Variants in PRKD3 observed in about 807,000 individuals in gnomAD.
PRKD3 encodes the protein serine/threonine-protein kinase D3.
Under a neutral mutation model 99.2 loss-of-function variants are expected in PRKD3, and 47 were observed. The ratio of observed to expected loss-of-function variants is 0.47; its 90% CI spans 0.38 to 0.60. The LOEUF (loss-of-function observed/expected upper bound fraction) is 0.60, where lower values mean the gene tolerates loss of function less well. Among genes scored for constraint, PRKD3 ranks in the 20% least tolerant of loss-of-function variants. PRKD3 has a pLI of 0.00. For synonymous variants in PRKD3, 392 were observed against 355.4 expected, an observed-to-expected ratio of 1.10 and a Z score of -1.16; for missense variants, 1,019 against 1,088.4, an observed-to-expected ratio of 0.94 and a Z score of 0.90.
intron 7 of PRKD3, 74 bp downstream of exon 7, chr2:37,282,468 T>G: frequency 1.0e-6 from 1 of 970,052 alleles, no homozygotes; most frequent in Non-Finnish European, 1.6e-6. Context: ...AAACAGAACC[T>G]TATCCAAAGA....
At position 37,317,262 on chromosome 2, in the gene PRKD3, T is replaced by C. The variant is rs541623894; in HGVS notation, c.-655-83A>G. On this transcript the variant is annotated intron_variant, in intron 1 of 18. Coordinates refer to ENST00000234179, the MANE Select transcript of PRKD3 (RefSeq NM_005813.6). ...AAAATAAGAACATAACTTTTTTAAATGACAATTTTTGGTCATATGCTTATA... is the reference window on the plus strand; with the variant it reads ...AAAATAAGAACATAACTTTTTTAAACGACAATTTTTGGTCATATGCTTATA... The C allele has an allele frequency of 5.5e-5, 36 of 650,386 alleles. No individual in the cohort carries two copies. In the African/African-American group the frequency reaches 6.3e-4, roughly 11 times the overall value. The allele number at this position is 650,386 out of a possible 1,614,324, so 40.3% of individuals were successfully genotyped here. A position where few individuals can be genotyped will look rare whatever the true frequency, so the allele number is the denominator to read the frequency against.
chr2:37,280,325 G>C (rs568494036), intron 7 of PRKD3, among the ~76,000 whole-genome samples: 1 of 151,924 alleles, frequency 6.6e-6, no homozygotes, highest in South Asian at 2.1e-4. Flanking sequence ...GATTACAGGC[G>C]TGAGCCACCA....
At chr2:37,286,951 C>T (rs1453326445) in intron 5 of PRKD3, among the ~76,000 whole-genome samples, 2 of 152,038 alleles carry the variant, frequency 1.3e-5, no homozygotes, top group Non-Finnish European at 2.9e-5. Context: ...GGTCTTCTGG[C>T]CAGGCGTGGT....
At chr2:37,300,143 G>A (rs952332931) in intron 2 of PRKD3, among the ~76,000 whole-genome samples, 4 of 152,206 alleles carry the variant, frequency 2.6e-5, no homozygotes, top group Non-Finnish European at 5.9e-5. Flanking sequence ...TGGATAAATG[G>A]ATACAGAAAA....
intron 1 of PRKD3, among the ~76,000 whole-genome samples, chr2:37,320,943 C>G (rs574480687): frequency 6.6e-6 from 1 of 152,226 alleles, no homozygotes; most frequent in South Asian, 2.1e-4. Context: ...GATTTCTGCC[C>G]ACTCTTTCCA....
intron 1 of PRKD3, among the ~76,000 whole-genome samples, chr2:37,320,341 T>G (rs968873200): frequency 4.0e-5 from 6 of 151,824 alleles, no homozygotes; most frequent in Non-Finnish European, 8.8e-5. Context: ...ACAACGTATC[T>G]GACTTAAGTA....
chr2:37,254,355 C>CCT, intron 17 of PRKD3, 66 bp from the exon 18 acceptor site: 1 of 1,255,468 alleles, frequency 8.0e-7, no homozygotes, highest in Non-Finnish European at 1.2e-6. Flanking sequence ...CTTGTGACTG[C>CCT]CTAGAAGGCA....
intron 2 of PRKD3, among the ~76,000 whole-genome samples, chr2:37,297,360 T>A (rs1670718617): frequency 6.6e-6 from 1 of 152,202 alleles, no homozygotes; most frequent in South Asian, 2.1e-4. Context: ...GTTTAAAATT[T>A]ATAGAAAATG....
chr2:37,260,141 G>GT, intron 15 of PRKD3, 82 bp downstream of exon 15: 1 of 1,293,238 alleles, frequency 7.7e-7, no homozygotes, highest in Non-Finnish European at 1.1e-6. Flanking sequence ...TCCAGCCCAG[G>GT]TGACAGAGTA....
Position 37,282,341 on chromosome 2 carries a change from G to A in PRKD3, c.988+201C>T, listed in dbSNP as rs995367650. On this transcript the variant is annotated intron_variant, in intron 7 of 18. Transcript: ENST00000234179. The stretch of plus-strand genomic sequence containing the variant: ...TATATTAGACTACAAAGTAACAGGT[G>A]GCCAGAGGAAAGACGGGAAGGCGTG... The A allele has an allele frequency of 9.3e-6, 5 of 535,436 alleles. No individual in the cohort carries two copies. In the Admixed American group the frequency reaches 9.4e-5, roughly 10 times the overall value. 33.2% of individuals were successfully genotyped at this position (535,436 alleles called of 1,614,324 possible). A position where few individuals can be genotyped will look rare whatever the true frequency, so the allele number is the denominator to read the frequency against.
chr2:37,263,823 G>C (rs1467201996), intron 14 of PRKD3, among the ~76,000 whole-genome samples: 4 of 152,118 alleles, frequency 2.6e-5, no homozygotes, highest in East Asian at 1.9e-4. Flanking sequence ...TGATTTTATA[G>C]TTTTGAATTC....
intron 4 of PRKD3, 49 bp downstream of exon 4, chr2:37,290,819 A>G (rs1321779491): frequency 6.6e-7 from 1 of 1,513,220 alleles, no homozygotes; most frequent in East Asian, 2.3e-5. Flanking sequence ...TAAAAAATGC[A>G]AATGTGGAAT....
chr2:37,287,250 AAAAAAAAAAAAAAAAAAGAAAAAG>A (rs1670150139), intron 5 of PRKD3, among the ~76,000 whole-genome samples: 2 of 134,232 alleles, frequency 1.5e-5, no homozygotes, highest in African/African-American at 5.7e-5. Flanking sequence ...AAAAAAAAAA[AAAAAAAAAAAAAAAAAAGAAAAAG>A]AAAAAGAAAA....
intron 2 of PRKD3, among the ~76,000 whole-genome samples, chr2:37,304,611 G>C (rs550048517): frequency 9.7e-4 from 148 of 151,820 alleles, no homozygotes; most frequent in African/African-American, 3.4e-3. Context: ...GCATGGTGGC[G>C]GGCACCTGTA....
intron 7 of PRKD3, chr2:37,282,268 A>G (rs2148557164): frequency 2.7e-6 from 1 of 368,884 alleles, no homozygotes; most frequent in East Asian, 4.5e-5. Flanking sequence ...GTTTTAAAAC[A>G]AGTTCTTTTA....
rs1237777403 is a variant in PRKD3 at position 37,317,092 on chromosome 2, T to C, written c.-568A>G. 1 of 985,410 alleles carries C rather than the reference T, an allele frequency of 1.0e-6. No individual in the cohort carries two copies. The highest frequency in any genetic ancestry group is 1.2e-6 in the Non-Finnish European group (1 of 830,024). The allele number at this position is 985,410 out of a possible 1,614,324, so 61.0% of individuals were successfully genotyped here. ...GGGGATGAACTTTTCTATGACGAAA[T>C]ACAAAGCTTTTTAAAATAGTACAGG... is the stretch of plus-strand genomic sequence containing the variant. On this transcript the variant is annotated 5_prime_UTR_variant, in exon 2 of 19. Coordinates refer to ENST00000234179, the MANE Select transcript of PRKD3 (RefSeq NM_005813.6).
At chr2:37,294,263 T>C (rs1176241473) in intron 2 of PRKD3, among the ~76,000 whole-genome samples, 1 of 124,620 alleles carries the variant, frequency 8.0e-6, no homozygotes, top group African/African-American at 2.9e-5. Context: ...TCCCAGCTAA[T>C]TTTTTATGTT....
intron 1 of PRKD3, chr2:37,324,212 T>G (rs1475397586): frequency 3.0e-6 from 3 of 985,340 alleles, no homozygotes; most frequent in Non-Finnish European, 3.6e-6. Flanking sequence ...TTGAGACGAC[T>G]ACAACGCAAA....
At position 37,274,612 on chromosome 2, in the gene PRKD3, T is replaced by C; in HGVS notation, c.1460A>G (p.Glu487Gly). 5.0e-6 allele frequency: 8 copies of C among 1,614,128 alleles called. No homozygotes were observed. Among genetic ancestry groups the C allele is most frequent in the Non-Finnish European group, 6.8e-6 (8 of 1,179,950 alleles). Residue 487 changes from glutamate to glycine, a missense_variant, in exon 11 of 19, where the codon GAA becomes GGA. Glu to Gly is a moderately conservative substitution (Grantham distance 98). This residue lies in a region of PRKD3 where 710 missense variants were observed against 692.7 expected (regional missense o/e 1.02). Coordinates refer to ENST00000234179, the MANE Select transcript of PRKD3 (RefSeq NM_005813.6). ...GTATACCATAGTATCAGTAATGATT[T>C]CAAAACAGTGTGGATTGCTGCCTTG... ...ISQGSNPHCF[E>G]IITDTMVYFV...
Sources: gnomAD v4.1 joint callset for allele counts (sites outside exome capture counted in the v4.1 genomes callset) on GRCh38, gnomAD v4.1.1 for gene constraint, gnomAD v4.1.1 regional missense constraint, MANE v1.5 for transcripts, NCBI Gene and HGNC (gene_info 2026-07-23, HGNC 2026-07-21) for gene names.